SRRM4: variants seen among roughly 807,000 people sequenced by gnomAD.
The protein encoded by SRRM4 is serine/arginine repetitive matrix 4.
SRRM4 carries 33 observed loss-of-function variants against 68.9 expected under a neutral mutation model. The ratio of observed to expected loss-of-function variants is 0.48; its 90% CI spans 0.36 to 0.64. The LOEUF (loss-of-function observed/expected upper bound fraction) is 0.64, where lower values mean the gene tolerates loss of function less well. Ranked by LOEUF, SRRM4 falls within the 30% of genes least tolerant of loss-of-function variation. The pLI is 0.00. For synonymous variants in SRRM4, 318 were observed against 318.8 expected (o/e 1.00, Z 0.03); for missense variants, 817 against 827.1 (o/e 0.99, Z 0.15).
intron 1 of SRRM4, among the ~76,000 whole-genome samples, chr12:119,047,982 AT>A (rs2136015376): frequency 6.6e-6 from 1 of 152,380 alleles, no homozygotes; most frequent in South Asian, 2.1e-4. Flanking sequence ...AGCAGTTCTT[AT>A]AAGAGACAAA....
rs571178434 is a variant in SRRM4 at position 119,104,626 on chromosome 12, T to G, written c.278+2244T>G. Among the ~76,000 whole-genome samples the G allele has an allele frequency of 9.2e-5, 14 of 152,184 alleles. No individual in the cohort carries two copies. The South Asian group carries it at 1.5e-3, about 16-fold the overall frequency. The stretch of plus-strand genomic sequence containing the variant: ...CACAGGTACCATGTTTCTTCCCATC[T>G]TGTTGACGATGATCAAGATGAGACT... On this transcript the variant is annotated intron_variant, in intron 2 of 12. Transcript: ENST00000267260.
At chr12:118,986,006 A>G (rs1953279851) in intron 1 of SRRM4, among the ~76,000 whole-genome samples, 1 of 152,218 alleles carries the variant, frequency 6.6e-6, no homozygotes, top group Non-Finnish European at 1.5e-5. Context: ...AATCCTTTCT[A>G]CGCAGAATAG....
chr12:119,117,119 T>A, intron 4 of SRRM4, 111 bp downstream of exon 4: 1 of 895,844 alleles, frequency 1.1e-6, no homozygotes, highest in African/African-American at 1.7e-5. Flanking sequence ...GTAAAACAAT[T>A]ATCTATGTCT....
chr12:119,075,726 T>G (rs1392133899), intron 1 of SRRM4, among the ~76,000 whole-genome samples: 1 of 151,570 alleles, frequency 6.6e-6, no homozygotes, highest in Non-Finnish European at 1.5e-5. Context: ...TTGATGATGG[T>G]GGTGATGGTG....
intron 1 of SRRM4, among the ~76,000 whole-genome samples, chr12:119,051,765 C>G (rs1450467189): frequency 6.6e-6 from 1 of 152,196 alleles, no homozygotes; most frequent in African/African-American, 2.4e-5. Context: ...AATCCCATCC[C>G]CACTCCATCT....
At chr12:119,024,561 T>C (rs913155506) in intron 1 of SRRM4, among the ~76,000 whole-genome samples, 1 of 152,198 alleles carries the variant, frequency 6.6e-6, no homozygotes, top group Non-Finnish European at 1.5e-5. Flanking sequence ...TCAGCGTATC[T>C]CCTGTATGTC....
chr12:119,160,779 A>G lies in SRRM4; in HGVS notation c.*3981A>G, dbSNP rs1219818975. 6.6e-6 allele frequency: 1 copy of G among 152,244 alleles called. No homozygotes were observed. Among genetic ancestry groups the G allele is most frequent in the East Asian group, 1.9e-4 (1 of 5,196 alleles). The allele number at this position is 152,244 out of a possible 1,614,324, so 9.4% of individuals were successfully genotyped here. On this transcript the variant is annotated 3_prime_UTR_variant, in exon 13 of 13. Transcript: ENST00000267260. ...ACTGAGACTCAGAGGGAAAAGGAAA[A>G]GAGCCTCAAACATTTTTAGGAGGTT...
chr12:119,037,832 T>C (rs956409865), intron 1 of SRRM4, among the ~76,000 whole-genome samples: 2 of 152,186 alleles, frequency 1.3e-5, no homozygotes, highest in Admixed American at 1.3e-4. Flanking sequence ...CTAATTCCAT[T>C]GATTGCTGGA....
intron 1 of SRRM4, among the ~76,000 whole-genome samples, chr12:118,983,656 C>T (rs1953264215): frequency 6.6e-6 from 1 of 151,904 alleles, no homozygotes; most frequent in South Asian, 2.1e-4. Context: ...CAGAGTCTTC[C>T]ATCTATTTTA....
chr12:118,985,377 C>G (rs1012875148), intron 1 of SRRM4, among the ~76,000 whole-genome samples: 9 of 152,332 alleles, frequency 5.9e-5, no homozygotes, highest in African/African-American at 2.2e-4. Context: ...AGACCAGGTA[C>G]TGTCAGTCTA....
intron 1 of SRRM4, among the ~76,000 whole-genome samples, chr12:119,050,185 A>C (rs1953733531): frequency 6.6e-6 from 1 of 152,240 alleles, no homozygotes; most frequent in Non-Finnish European, 1.5e-5. Flanking sequence ...ATTATTTATT[A>C]AGCACATACT....
At chr12:119,140,112 G>A (rs752459731) in intron 8 of SRRM4, among the ~76,000 whole-genome samples, 2 of 152,122 alleles carry the variant, frequency 1.3e-5, no homozygotes, top group Admixed American at 6.5e-5. Flanking sequence ...AGTGGCTCAC[G>A]CCTGTAATCC....
Position 119,156,643 on chromosome 12 carries a change from C to T in SRRM4, c.1681C>T (p.Arg561Trp). The T allele has an allele frequency of 1.9e-6, 3 of 1,590,842 alleles. No homozygotes were observed. The highest frequency in any genetic ancestry group is 2.2e-4 in the Middle Eastern group (1 of 4,460). Residue 561 changes from arginine (R) to tryptophan (W), a missense_variant, in exon 13 of 13, where the codon CGG becomes TGG. Transcript: ENST00000267260. ...RSRSRSRSRR[R>W]SRTRTSSSSS... ...CCGGAGTCGGAGCCGGAGCCGGAGA[C>T]GGAGCCGGACCCGCACGAGCAGCAG...
rs1953248659 is a variant in SRRM4 at position 118,981,795 on chromosome 12, GC to G, written c.-86del. On this transcript the variant is annotated 5_prime_UTR_variant, in exon 1 of 13. Coordinates refer to ENST00000267260, the MANE Select transcript of SRRM4 (RefSeq NM_194286.4). The stretch of plus-strand genomic sequence containing the variant: ...CCTCTCTGGGTTTCACCCGGACAGA[GC>G]CGGGAGCTGGGTGTCGCCCCCGTTT... The G allele has an allele frequency of 6.8e-7, 1 of 1,470,440 alleles. No individual in the cohort carries two copies. Among genetic ancestry groups the G allele is most frequent in the Admixed American group, 2.1e-5 (1 of 48,398 alleles). 91.1% of individuals were successfully genotyped at this position (1,470,440 alleles called of 1,614,324 possible).
At chr12:118,985,681 G>T (rs1190221589) in intron 1 of SRRM4, among the ~76,000 whole-genome samples, 1 of 152,084 alleles carries the variant, frequency 6.6e-6, no homozygotes, top group Non-Finnish European at 1.5e-5. Context: ...ATCCAAGAAG[G>T]GTAGTCATTT....
At chr12:119,144,331 G>T (rs1272469777) in intron 8 of SRRM4, among the ~76,000 whole-genome samples, 1 of 152,178 alleles carries the variant, frequency 6.6e-6, no homozygotes, top group East Asian at 1.9e-4. Flanking sequence ...GATTAGGTTG[G>T]CTAGGTTAGG....
At chr12:119,000,154 A>G (rs1291640058) in intron 1 of SRRM4, among the ~76,000 whole-genome samples, 1 of 152,214 alleles carries the variant, frequency 6.6e-6, no homozygotes, top group African/African-American at 2.4e-5. Flanking sequence ...TTTGTCATCT[A>G]TAAAATGGGG....
chr12:119,103,286 C>A (rs1226181970), intron 2 of SRRM4, among the ~76,000 whole-genome samples: 3 of 151,880 alleles, frequency 2.0e-5, no homozygotes, highest in Non-Finnish European at 4.4e-5. Flanking sequence ...AGGTTTGGGG[C>A]TACATGTGAA....
intron 1 of SRRM4, among the ~76,000 whole-genome samples, chr12:118,993,402 T>C (rs1387915774): frequency 1.3e-5 from 2 of 152,240 alleles, no homozygotes; most frequent in African/African-American, 4.8e-5. Context: ...TTTTCCTGCA[T>C]GGAGAGTCTC....
Sources: gnomAD v4.1 joint callset for allele counts (sites outside exome capture counted in the v4.1 genomes callset) on GRCh38, gnomAD v4.1.1 for gene constraint, MANE v1.5 for transcripts, NCBI Gene and HGNC (gene_info 2026-07-23, HGNC 2026-07-21) for gene names.